The following RBL1 variants were observed in gnomAD, a reference collection of about 807,000 sequenced individuals.
The protein encoded by RBL1 is retinoblastoma-like protein 1.
RBL1 carries 82 observed loss-of-function variants against 123.0 expected under a neutral mutation model. The observed-to-expected ratio is 0.67, with a 90% confidence interval of 0.56 to 0.80. The LOEUF is 0.80. RBL1 is among the 30% of genes least tolerant of loss of function. RBL1 has a pLI of 0.00. For synonymous variants in RBL1, 405 were observed against 441.3 expected (o/e 0.92, Z 1.03); for missense variants, 1,171 against 1,299.6 (o/e 0.90, Z 1.52).
At chr20:37,068,372 G>A (rs935021363) in intron 2 of RBL1, among the ~76,000 whole-genome samples, 186 bp from the exon 3 acceptor site, 1 of 152,080 alleles carries the variant, frequency 6.6e-6, no homozygotes, top group African/African-American at 2.4e-5. Context: ...TGTGCCTGTA[G>A]CCCCAGGTAC....
intron 2 of RBL1, among the ~76,000 whole-genome samples, chr20:37,074,902 T>C (rs750666929): frequency 3.3e-5 from 5 of 152,218 alleles, no homozygotes; most frequent in Non-Finnish European, 7.4e-5. Context: ...AGAAAAAATA[T>C]ATGTCCACAT....
At chr20:37,012,268 C>A (rs562869039) in intron 19 of RBL1, among the ~76,000 whole-genome samples, 28 of 152,342 alleles carry the variant, frequency 1.8e-4, no homozygotes, top group African/African-American at 4.1e-4. Flanking sequence ...GAGATTGCAG[C>A]CTCTGCCCGG....
chr20:37,022,828 T>C lies in RBL1; in HGVS notation c.2383-2A>G. ...GCGTACACTTGCCAAATGATAGACC[T>C]AAAATAGAAGGTAACACATTGATGC... On this transcript the variant is annotated splice_acceptor_variant, in intron 16 of 21. Coordinates refer to ENST00000373664, the MANE Select transcript of RBL1 (RefSeq NM_002895.5). LOFTEE classifies it high-confidence loss of function. 1 of 1,602,342 alleles carries C rather than the reference T, an allele frequency of 6.2e-7. No homozygotes were observed.
intron 11 of RBL1, among the ~76,000 whole-genome samples, chr20:37,050,900 G>A (rs2064899694): frequency 6.6e-6 from 1 of 151,966 alleles, no homozygotes; most frequent in East Asian, 1.9e-4. Flanking sequence ...GAATGAGAAT[G>A]TCACTGGACT....
rs1306370981 is a variant in RBL1, at chr20:37,095,850, C to A, written c.79G>T (p.Glu27Ter). ...GCGCTCCCCTCGTCCAGGTTCAGCT[C>A]CTGGCACAGGGCCTGTAGCGCCTCC... ...AGEALQALCQ[E>*]LNLDEGSAAE... is the part of the protein sequence containing the mutation. The change falls in exon 1 of 22, where the codon GAG (glutamate) becomes TAG (stop). Residue 27 changes from glutamate (E) to a stop codon, truncating the protein, a stop_gained. Coordinates refer to ENST00000373664, the MANE Select transcript of RBL1 (RefSeq NM_002895.5). LOFTEE classifies it high-confidence loss of function. The A allele has an allele frequency of 6.2e-7, 1 of 1,608,432 alleles. No homozygotes were observed. Among genetic ancestry groups the A allele is most frequent in the Non-Finnish European group, 8.5e-7 (1 of 1,178,302 alleles).
intron 14 of RBL1, among the ~76,000 whole-genome samples, chr20:37,037,988 GTTTTTTTTTTT>G (rs57647591): frequency 1.7e-4 from 14 of 83,600 alleles, no homozygotes; most frequent in African/African-American, 7.6e-4. Flanking sequence ...CCCGGCCATT[GTTTTTTTTTTT>G]TTTTTTTTTT....
At chr20:37,000,912 C>A (rs1378500170) in intron 21 of RBL1, among the ~76,000 whole-genome samples, 1 of 138,752 alleles carries the variant, frequency 7.2e-6, no homozygotes, top group Non-Finnish European at 1.6e-5. Context: ...GGTCAGCCCC[C>A]CGCCCGGCCA....
At chr20:37,060,107 G>A (rs536110025) in intron 9 of RBL1, among the ~76,000 whole-genome samples, 193 of 152,148 alleles carry the variant, frequency 1.3e-3, no homozygotes, top group African/African-American at 4.5e-3. Flanking sequence ...GGGAGGTGGA[G>A]GTTGCAGTGA....
intron 2 of RBL1, among the ~76,000 whole-genome samples, chr20:37,086,772 T>C (rs568367624): frequency 2.0e-5 from 3 of 152,290 alleles, no homozygotes; most frequent in East Asian, 1.9e-4. Context: ...ATATGCTTGA[T>C]ACTAGAGTAA....
intron 2 of RBL1, among the ~76,000 whole-genome samples, chr20:37,071,220 T>C (rs897814984): frequency 2.0e-5 from 3 of 152,148 alleles, no homozygotes; most frequent in Admixed American, 1.3e-4. Flanking sequence ...TTCATGTAGA[T>C]TGGAAAGGCT....
chr20:37,081,440 A>G (rs1305961339), intron 2 of RBL1, among the ~76,000 whole-genome samples: 7 of 152,198 alleles, frequency 4.6e-5, no homozygotes. Context: ...CAGAAGTTCA[A>G]GACCAACCTG....
intron 1 of RBL1, among the ~76,000 whole-genome samples, chr20:37,094,268 C>G (rs1473599344): frequency 6.6e-6 from 1 of 152,144 alleles, no homozygotes; most frequent in Admixed American, 6.6e-5. Flanking sequence ...CTTTCTCAGG[C>G]TTTCAAAAAT....
At chr20:37,001,850 AAG>A (rs2063986238) in intron 21 of RBL1, among the ~76,000 whole-genome samples, 1 of 149,470 alleles carries the variant, frequency 6.7e-6, no homozygotes, top group South Asian at 2.1e-4. Context: ...CCTGTGAACT[AAG>A]AGTCTAAATC....
chr20:37,095,890 C>A lies in RBL1; in HGVS notation c.39G>T (p.Val13=), dbSNP rs979442840. The change falls in exon 1 of 22, where the codon GTG becomes GTT. Residue 13 remains valine (V), a synonymous_variant. Transcript: ENST00000373664. ...EDKPHAEGAA[V]VAAAGEALQA... is the part of the protein sequence containing the mutation. ...GTAGCGCCTCCCCGGCTGCGGCGAC[C>A]ACCGCCGCCCCCTCAGCGTGGGGCT... 1.2e-6 allele frequency: 2 copies of A among 1,602,376 alleles called. No individual in the cohort carries two copies. Among genetic ancestry groups the A allele is most frequent in the Non-Finnish European group, 1.7e-6 (2 of 1,175,366 alleles).
rs2065110125 is a variant in RBL1, at chr20:37,062,332, A to AAGAT, written c.897-66_897-63dup. On this transcript the variant is annotated intron_variant, in intron 7 of 21. Transcript: ENST00000373664. ...TACACAATGGATTTATTTTGACTTG[A>AAGAT]AGATAGATTTAGTGTTTACAGCTTA... The AAGAT allele has an allele frequency of 2.6e-6, 4 of 1,558,594 alleles. No homozygotes were observed. In the Admixed American group the frequency reaches 7.6e-5, roughly 30 times the overall value.
At chr20:37,072,181 T>C (rs1166986369) in intron 2 of RBL1, among the ~76,000 whole-genome samples, 1 of 152,128 alleles carries the variant, frequency 6.6e-6, no homozygotes, top group Non-Finnish European at 1.5e-5. Flanking sequence ...AAAAATTTTG[T>C]TTTTTGGCCG....
intron 21 of RBL1, among the ~76,000 whole-genome samples, chr20:36,999,162 TTTGGGAGGC>T (rs1449136069): frequency 2.6e-5 from 4 of 152,028 alleles, no homozygotes; most frequent in Non-Finnish European, 5.9e-5. Context: ...ATACCAGCAC[TTTGGGAGGC>T]CAAGATGGTT....
chr20:36,997,358 T>C lies in RBL1; in HGVS notation c.*1401A>G, dbSNP rs879849030. 1.3e-5 allele frequency: 2 copies of C among 151,980 alleles called. No individual in the cohort carries two copies. The highest frequency in any genetic ancestry group is 6.6e-5 in the Admixed American group (1 of 15,224). 9.4% of individuals were successfully genotyped at this position (151,980 alleles called of 1,614,324 possible). On this transcript the variant is annotated 3_prime_UTR_variant, in exon 22 of 22. Transcript: ENST00000373664. ...CTAGTACTGAAAAAAGCATCCCTAA[T>C]ACTGAAAAGCATCCCTAGTACTAAA...
intron 19 of RBL1, among the ~76,000 whole-genome samples, chr20:37,016,248 G>C (rs1018987663): frequency 6.6e-6 from 1 of 151,718 alleles, no homozygotes; most frequent in Non-Finnish European, 1.5e-5. Flanking sequence ...GGCTGGTCTC[G>C]AACTCCTGAC....
Sources: allele counts gnomAD v4.1 joint callset (sites outside exome capture counted in the v4.1 genomes callset), GRCh38; gene constraint gnomAD v4.1.1; transcripts MANE v1.5; gene names NCBI Gene and HGNC (gene_info 2026-07-23, HGNC 2026-07-21).